TESK2: variants seen among roughly 807,000 people sequenced by gnomAD.
TESK2 encodes the protein dual specificity testis-specific protein kinase 2.
In TESK2, 39 loss-of-function variants were observed where a neutral mutation model predicts 57.1. The observed-to-expected ratio is 0.68, with a 90% CI of 0.53 to 0.89. The LOEUF is 0.89. Ranked by LOEUF, TESK2 falls within the 40% of genes least tolerant of loss-of-function variation. The pLI is 0.00. For synonymous variants in TESK2, 249 were observed against 267.9 expected, an observed-to-expected ratio of 0.93 and a Z score of 0.69; for missense variants, 646 against 732.1, an observed-to-expected ratio of 0.88 and a Z score of 1.36.
At chr1:45,426,638 G>A (rs1650704954) in intron 2 of TESK2, among the ~76,000 whole-genome samples, 2 of 152,202 alleles carry the variant, frequency 1.3e-5, no homozygotes, top group East Asian at 3.9e-4. Flanking sequence ...CACAGCAAAT[G>A]AAACAAAGTG....
At chr1:45,393,820 T>C (rs919691078) in intron 3 of TESK2, among the ~76,000 whole-genome samples, 2 of 151,810 alleles carry the variant, frequency 1.3e-5, no homozygotes, top group Non-Finnish European at 2.9e-5. Context: ...AGAGGAAATA[T>C]TACTCATCCT....
At chr1:45,445,150 C>T (rs141869253) in intron 2 of TESK2, among the ~76,000 whole-genome samples, 51 of 152,216 alleles carry the variant, frequency 3.4e-4, no homozygotes, top group African/African-American at 1.0e-3. Context: ...CCAACCACCA[C>T]CATCTAGTAA....
At position 45,419,251 on chromosome 1, in the gene TESK2, C is replaced by T. The variant is rs141483903; in HGVS notation, c.344+2474G>A. ...TCAGCCTCCCAAAGTGCTGGGATTACAGGCGTGAGCCGTCACGCCCAGACT... is the reference window on the plus strand; with the variant it reads ...TCAGCCTCCCAAAGTGCTGGGATTATAGGCGTGAGCCGTCACGCCCAGACT... On this transcript the variant is annotated intron_variant, in intron 3 of 10. Coordinates refer to ENST00000372086, the MANE Select transcript of TESK2 (RefSeq NM_007170.3). Among the ~76,000 whole-genome samples, 717 of 152,268 alleles carry T rather than the reference C, an allele frequency of 4.7e-3. 6 individuals are homozygous for T. Among genetic ancestry groups the T allele is most frequent in the African/African-American group, 0.016 (678 of 41,566 alleles).
At chr1:45,453,609 A>G (rs1482222430) in intron 2 of TESK2, among the ~76,000 whole-genome samples, 1 of 152,168 alleles carries the variant, frequency 6.6e-6, no homozygotes, top group Non-Finnish European at 1.5e-5. Flanking sequence ...CATTGTGGAA[A>G]ATCTTCATGA....
intron 4 of TESK2, among the ~76,000 whole-genome samples, chr1:45,356,300 G>A (rs1306754450): frequency 6.6e-6 from 1 of 152,186 alleles, no homozygotes; most frequent in Non-Finnish European, 1.5e-5. Context: ...AGAGAGCAAG[G>A]AGAGGAGTAG....
intron 1 of TESK2, among the ~76,000 whole-genome samples, chr1:45,485,569 A>C (rs1247646026): frequency 6.7e-6 from 1 of 148,574 alleles, no homozygotes; most frequent in Non-Finnish European, 1.5e-5. Flanking sequence ...CCTAAACTGC[A>C]GTACAGTGGC....
At chr1:45,373,419 C>G (rs1372762573) in intron 4 of TESK2, among the ~76,000 whole-genome samples, 7 of 152,214 alleles carry the variant, frequency 4.6e-5, no homozygotes, top group Admixed American at 2.6e-4. Context: ...TATATTAATA[C>G]TTTTGCAAGT....
At chr1:45,346,144 G>C in intron 9 of TESK2, 150 bp from the exon 10 acceptor site, 1 of 659,826 alleles carries the variant, frequency 1.5e-6, no homozygotes, top group African/African-American at 1.8e-5. Context: ...GATCCCTACA[G>C]TTCAGGTCAG....
chr1:45,428,816 A>ATTT (rs71052876), intron 2 of TESK2, among the ~76,000 whole-genome samples: 7,232 of 82,488 alleles, frequency 0.088, 1,499 homozygotes, highest in African/African-American at 0.2. Flanking sequence ...TAAATTCCTG[A>ATTT]TTTTTTTTTT....
chr1:45,485,089 A>G (rs947128618), intron 1 of TESK2, among the ~76,000 whole-genome samples: 2 of 152,118 alleles, frequency 1.3e-5, no homozygotes, highest in African/African-American at 4.8e-5. Context: ...ATAAAGTCTA[A>G]AAGAATATAA....
At chr1:45,368,148 C>T (rs910203550) in intron 4 of TESK2, among the ~76,000 whole-genome samples, 1 of 151,000 alleles carries the variant, frequency 6.6e-6, no homozygotes, top group African/African-American at 2.4e-5. Context: ...GCGCCTGCCA[C>T]CACACCCGGC....
At chr1:45,456,222 T>TAATAG (rs889386982) in intron 2 of TESK2, among the ~76,000 whole-genome samples, 4 of 149,658 alleles carry the variant, frequency 2.7e-5, no homozygotes, top group Admixed American at 6.7e-5. Context: ...TAAAATAAAA[T>TAATAG]AATAGAATAA....
chr1:45,477,151 T>C (rs895014426), intron 1 of TESK2, among the ~76,000 whole-genome samples: 39 of 151,044 alleles, frequency 2.6e-4, no homozygotes, highest in Admixed American at 1.9e-3. Context: ...GAGAATTGCT[T>C]GAACCCAGAA....
intron 1 of TESK2, among the ~76,000 whole-genome samples, chr1:45,474,835 T>C (rs1385351770): frequency 6.6e-6 from 1 of 151,420 alleles, no homozygotes; most frequent in Non-Finnish European, 1.5e-5. Context: ...ACTAAATGTA[T>C]CTATAACTTT....
At chr1:45,395,663 G>GT (rs1370631259) in intron 3 of TESK2, among the ~76,000 whole-genome samples, 2 of 149,162 alleles carry the variant, frequency 1.3e-5, no homozygotes, top group African/African-American at 5.0e-5. Flanking sequence ...CTGGAGTGCA[G>GT]TGTTGCAATT....
chr1:45,425,391 G>A (rs1409278436), intron 2 of TESK2, among the ~76,000 whole-genome samples: 1 of 152,174 alleles, frequency 6.6e-6, no homozygotes, highest in African/African-American at 2.4e-5. Context: ...AGTGGTTCAC[G>A]CCTGTAATCC....
intron 3 of TESK2, chr1:45,415,396 C>T: frequency 3.7e-6 from 3 of 811,062 alleles, no homozygotes; most frequent in Non-Finnish European, 6.1e-6. Flanking sequence ...TTCTGTGGCT[C>T]AGGAGAGCAC....
At position 45,384,593 on chromosome 1, in the gene TESK2, A is replaced by ATTTTTTTTTTTTT. The variant is rs59988269; in HGVS notation, c.393+1306_393+1318dup. Among the ~76,000 whole-genome samples, 49 of 70,870 alleles carry ATTTTTTTTTTTTT rather than the reference A, an allele frequency of 6.9e-4. 2 individuals carry two copies. Among genetic ancestry groups the ATTTTTTTTTTTTT allele is most frequent in the South Asian group, 1.1e-3 (2 of 1,756 alleles). The allele number at this position is 70,870 out of a possible 152,430, so 46.5% of individuals were successfully genotyped here. ...TGCCATCACATCCAGCTAATTATTAATTTTTTTTTTTTTTTTTTTTTTTTT... is the reference window on the plus strand; with the variant it reads ...TGCCATCACATCCAGCTAATTATTAATTTTTTTTTTTTTTTTTTTTTTTTTTTTTTTTTTTTTT... On this transcript the variant is annotated intron_variant, in intron 4 of 10. Transcript: ENST00000372086.
intron 1 of TESK2, among the ~76,000 whole-genome samples, chr1:45,479,413 T>C (rs994802321): frequency 6.6e-6 from 1 of 151,980 alleles, no homozygotes; most frequent in Non-Finnish European, 1.5e-5. Flanking sequence ...TAGTTTTCCA[T>C]ACTGCAGAAA....
Sources: allele counts gnomAD v4.1 joint callset (sites outside exome capture counted in the v4.1 genomes callset), GRCh38; gene constraint gnomAD v4.1.1; transcripts MANE v1.5; gene names NCBI Gene and HGNC (gene_info 2026-07-23, HGNC 2026-07-21).